Variants in CSMD1 observed in about 807,000 individuals in gnomAD.
The protein encoded by CSMD1 is CUB and sushi domain-containing protein 1.
In CSMD1, 213 loss-of-function variants were observed where a neutral mutation model predicts 417.5. The ratio of observed to expected loss-of-function variants is 0.51; its 90% CI spans 0.46 to 0.57. The LOEUF is 0.57. Among genes scored for constraint, CSMD1 ranks in the 20% least tolerant of loss-of-function variants. The pLI is 0.00. For missense variants in CSMD1, 6,923 were observed against 4,529.7 expected (o/e 1.53, Z -15.17); for synonymous variants, 2,862 against 1,736.8 (o/e 1.65, Z -16.11).
At chr8:4,216,152 C>T (rs1800654657) in intron 3 of CSMD1, among the ~76,000 whole-genome samples, 1 of 152,050 alleles carries the variant, frequency 6.6e-6, no homozygotes, top group Non-Finnish European at 1.5e-5. Context: ...CCCATTTTTT[C>T]ACAGGACAGG....
At chr8:4,764,124 G>C (rs1466189933) in intron 1 of CSMD1, among the ~76,000 whole-genome samples, 1 of 152,178 alleles carries the variant, frequency 6.6e-6, no homozygotes, top group Non-Finnish European at 1.5e-5. Flanking sequence ...CTTTATATGA[G>C]ATTTCGCATT....
chr8:3,543,479 T>G (rs1011405732), intron 10 of CSMD1, among the ~76,000 whole-genome samples: 3 of 152,116 alleles, frequency 2.0e-5, no homozygotes, highest in Non-Finnish European at 4.4e-5. Flanking sequence ...CAAGCAGTGA[T>G]GATTGCCGAG....
intron 26 of CSMD1, among the ~76,000 whole-genome samples, chr8:3,280,122 C>G (rs1299533320): frequency 6.6e-6 from 1 of 152,090 alleles, no homozygotes; most frequent in African/African-American, 2.4e-5. Context: ...ACATGCCCTC[C>G]TGCCCCATCT....
At chr8:3,868,174 C>G (rs929807744) in intron 5 of CSMD1, among the ~76,000 whole-genome samples, 1 of 152,066 alleles carries the variant, frequency 6.6e-6, no homozygotes, top group Admixed American at 6.6e-5. Context: ...CTCTGCTGAA[C>G]CAACACCTGG....
At chr8:3,137,548 A>G (rs1050633748) in intron 41 of CSMD1, among the ~76,000 whole-genome samples, 1 of 152,236 alleles carries the variant, frequency 6.6e-6, no homozygotes, top group Non-Finnish European at 1.5e-5. Context: ...CTTTAAACAT[A>G]GAAATACAGT....
chr8:4,621,462 T>A (rs1801774157), intron 2 of CSMD1, among the ~76,000 whole-genome samples: 1 of 152,078 alleles, frequency 6.6e-6, no homozygotes, highest in African/African-American at 2.4e-5. Flanking sequence ...AGAGATCAAG[T>A]GGATATCTTG....
chr8:3,664,428 T>A (rs1798577229), intron 7 of CSMD1, among the ~76,000 whole-genome samples: 1 of 152,218 alleles, frequency 6.6e-6, no homozygotes, highest in African/African-American at 2.4e-5. Flanking sequence ...TCCAAAACCA[T>A]GTTATTCTGG....
intron 10 of CSMD1, among the ~76,000 whole-genome samples, chr8:3,496,448 G>A (rs1158075821): frequency 1.3e-5 from 2 of 152,222 alleles, no homozygotes; most frequent in African/African-American, 4.8e-5. Context: ...AGGCCACAGA[G>A]CTAGGAGTGT....
chr8:3,611,114 G>A (rs1473322365), intron 8 of CSMD1, among the ~76,000 whole-genome samples: 2 of 149,688 alleles, frequency 1.3e-5, no homozygotes, highest in Non-Finnish European at 3.0e-5. Context: ...GATAGCATCG[G>A]GAGATATACC....
chr8:3,742,896 A>C (rs1479072418), intron 6 of CSMD1, among the ~76,000 whole-genome samples: 1 of 152,224 alleles, frequency 6.6e-6, no homozygotes, highest in Admixed American at 6.5e-5. Flanking sequence ...TGGATAACAG[A>C]GTATTTCCGT....
chr8:3,654,176 A>G (rs997518161), intron 7 of CSMD1, among the ~76,000 whole-genome samples: 26 of 152,330 alleles, frequency 1.7e-4, no homozygotes, highest in African/African-American at 6.3e-4. Flanking sequence ...CACTGAAGAC[A>G]TCATTCTCAG....
At chr8:4,336,651 T>A (rs1168951400) in intron 3 of CSMD1, among the ~76,000 whole-genome samples, 1 of 152,162 alleles carries the variant, frequency 6.6e-6, no homozygotes, top group Non-Finnish European at 1.5e-5. Flanking sequence ...ATGCTTCACT[T>A]CACAGCTTTC....
chr8:4,325,296 T>G (rs1799498111), intron 3 of CSMD1, among the ~76,000 whole-genome samples: 1 of 152,144 alleles, frequency 6.6e-6, no homozygotes, highest in Admixed American at 6.6e-5. Context: ...TTCCATTAAT[T>G]AAATGGCAAC....
At chr8:4,190,897 G>T (rs747000125) in intron 3 of CSMD1, among the ~76,000 whole-genome samples, 1 of 151,244 alleles carries the variant, frequency 6.6e-6, no homozygotes, top group African/African-American at 2.4e-5. Context: ...GAGCTAAATT[G>T]TGAGAACACA....
chr8:3,823,269 T>C (rs1296669301), intron 5 of CSMD1, among the ~76,000 whole-genome samples: 3 of 152,174 alleles, frequency 2.0e-5, no homozygotes, highest in African/African-American at 7.2e-5. Flanking sequence ...TAATTCAGTT[T>C]TGCCAGATAA....
chr8:3,370,946 A>C (rs985251604), intron 18 of CSMD1, among the ~76,000 whole-genome samples: 1 of 152,020 alleles, frequency 6.6e-6, no homozygotes, highest in African/African-American at 2.4e-5. Flanking sequence ...ATTGCACTCC[A>C]GCCTGGGGCA....
chr8:4,081,942 C>T (rs1030617356), intron 3 of CSMD1, among the ~76,000 whole-genome samples: 5 of 151,862 alleles, frequency 3.3e-5, no homozygotes, highest in Non-Finnish European at 5.9e-5. Flanking sequence ...ATATTACACT[C>T]GAAAAACCAT....
chr8:3,025,277 GTGGTGTTATTCTGAAACTGTGTATTGTC>G (rs1563251196), intron 51 of CSMD1, among the ~76,000 whole-genome samples: 5 of 151,808 alleles, frequency 3.3e-5, no homozygotes. Context: ...TGTGTATTGT[GTGGTGTTATTCTGAAACTGTGTATTGTC>G]TGGTGTTATT....
At chr8:4,670,911 G>A (rs1200046937) in intron 1 of CSMD1, among the ~76,000 whole-genome samples, 2 of 152,134 alleles carry the variant, frequency 1.3e-5, no homozygotes, top group Non-Finnish European at 2.9e-5. Context: ...TTAGTGACAA[G>A]GATAGCTTTA....
Sources: allele counts gnomAD v4.1 joint callset (sites outside exome capture counted in the v4.1 genomes callset), GRCh38; gene constraint gnomAD v4.1.1; transcripts MANE v1.5; gene names NCBI Gene and HGNC (gene_info 2026-07-23, HGNC 2026-07-21).